ASNS: variants seen among roughly 807,000 people sequenced by gnomAD.
ASNS encodes the protein asparagine synthetase [glutamine-hydrolyzing].
A neutral mutation model predicts 62.6 loss-of-function variants in ASNS; 37 were observed. The observed-to-expected ratio is 0.59, with a 90% CI of 0.45 to 0.78. The LOEUF (loss-of-function observed/expected upper bound fraction) is 0.78, where lower values mean the gene tolerates loss of function less well. ASNS is among the 30% of genes least tolerant of loss of function. The pLI is 0.00. For missense variants in ASNS, 520 were observed against 682.4 expected (o/e 0.76, Z 2.65); for synonymous variants, 207 against 237.9 (o/e 0.87, Z 1.19).
At chr7:97,903,556 G>T in the ASNS span, among the ~76,000 whole-genome samples, 1 of 152,142 alleles carries the variant, frequency 6.6e-6, no homozygotes, top group Non-Finnish European at 1.5e-5. Context: ...GTACCTATTT[G>T]TTTAATTCAG....
chr7:97,908,316 A>C, the ASNS span: 1 of 152,242 alleles, frequency 6.6e-6, no homozygotes, highest in Non-Finnish European at 1.5e-5. Context: ...GCTCCAGAGG[A>C]AACAAATGGT....
chr7:97,900,981 G>A, the ASNS span, among the ~76,000 whole-genome samples: 50 of 152,314 alleles, frequency 3.3e-4, no homozygotes, highest in East Asian at 9.3e-3. Flanking sequence ...AAGGAAAAAT[G>A]CTAAGAATAC....
chr7:97,856,885 G>A (rs1584461430), intron 7 of ASNS, 69 bp from the exon 8 acceptor site: 3 of 1,443,000 alleles, frequency 2.1e-6, no homozygotes, highest in South Asian at 1.3e-5. Context: ...CAAACATGAT[G>A]GGAGTTCACA....
chr7:97,885,659 T>C, the ASNS span, among the ~76,000 whole-genome samples: 1 of 152,258 alleles, frequency 6.6e-6, no homozygotes, highest in Non-Finnish European at 1.5e-5. Flanking sequence ...GCCACATATT[T>C]ACTTTTGCAT....
chr7:97,892,351 C>A, the ASNS span, among the ~76,000 whole-genome samples: 1,513 of 152,330 alleles, frequency 9.9e-3, 20 homozygotes, highest in African/African-American at 0.033. Flanking sequence ...CCATGAAGAC[C>A]TGTGACATGC....
chr7:97,858,772 T>G, intron 6 of ASNS, 82 bp downstream of exon 6: 1 of 1,264,762 alleles, frequency 7.9e-7, no homozygotes, highest in South Asian at 1.4e-5. Flanking sequence ...AAATATTTTA[T>G]AGTAAAAACC....
the ASNS span, among the ~76,000 whole-genome samples, chr7:97,905,418 G>A: frequency 6.6e-6 from 1 of 152,156 alleles, no homozygotes; most frequent in Admixed American, 6.5e-5. Context: ...ACATGGATCT[G>A]GTAGTTCCAC....
At chr7:97,873,412 T>A (rs370511109), upstream of ASNS, among the ~76,000 whole-genome samples, 6 of 152,304 alleles carry the variant, frequency 3.9e-5, no homozygotes, top group African/African-American at 1.2e-4. Context: ...CATTCCTGAC[T>A]AAATCAAAAA....
At chr7:97,883,989 A>G in the ASNS span, among the ~76,000 whole-genome samples, 3 of 38,404 alleles carry the variant, frequency 7.8e-5, no homozygotes, top group South Asian at 2.3e-3. Context: ...CTCCATCTCA[A>G]AAAAAAAAAA....
the ASNS span, chr7:97,885,910 A>C: frequency 1.8e-6 from 1 of 559,630 alleles, no homozygotes; most frequent in Non-Finnish European, 3.4e-6. Context: ...CATGATGCCA[A>C]TGATGGGCTC....
chr7:97,854,890 G>A (rs1791360842), intron 9 of ASNS: 1 of 759,948 alleles, frequency 1.3e-6, no homozygotes, highest in Non-Finnish European at 2.0e-6. Flanking sequence ...GAACACAATG[G>A]GCAACAGTCA....
rs772206435 is a variant in ASNS, at chr7:97,859,291, C to G, written c.595G>C (p.Val199Leu). 1 of 1,614,112 alleles carries G rather than the reference C, an allele frequency of 6.2e-7. No homozygotes were observed. The highest frequency in any genetic ancestry group is 2.2e-5 in the East Asian group (1 of 44,872). ...CAGTGATGATATTTAACCATTTCCA[C>G]GGATGCAACTTTGCCATTTGGCTTT... is the stretch of plus-strand genomic sequence containing the variant. ...DLKPNGKVAS[V>L]EMVKYHHCRD... The change falls in exon 5 of 13, where the codon GTG (valine) becomes CTG (leucine). Residue 199 changes from valine (V) to leucine (L), a missense_variant. Val to Leu is a conservative substitution (Grantham distance 32). Coordinates refer to ENST00000394308, the MANE Select transcript of ASNS (RefSeq NM_001673.5).
the ASNS span, among the ~76,000 whole-genome samples, chr7:97,927,071 CTTTTTTTTTTTTTTT>C: frequency 2.5e-5 from 1 of 40,528 alleles, no homozygotes; most frequent in South Asian, 1.4e-3. Flanking sequence ...CCACACCTGG[CTTTTTTTTTTTTTTT>C]TTTTTTTTTT....
intron 3 of ASNS, among the ~76,000 whole-genome samples, chr7:97,866,136 T>C (rs922710312): frequency 7.2e-5 from 11 of 152,238 alleles, no homozygotes; most frequent in Admixed American, 7.2e-4. Flanking sequence ...CTTTTGCAAC[T>C]ATAAACTTTT....
At chr7:97,918,165 G>A in the ASNS span, among the ~76,000 whole-genome samples, 2 of 151,054 alleles carry the variant, frequency 1.3e-5, no homozygotes, top group Admixed American at 1.3e-4. Flanking sequence ...GGTGCAGACT[G>A]GTGTGAGTAA....
At chr7:97,907,243 T>G in the ASNS span, among the ~76,000 whole-genome samples, 2 of 152,244 alleles carry the variant, frequency 1.3e-5, no homozygotes, top group Non-Finnish European at 2.9e-5. Context: ...AGAATTGGTG[T>G]CTTCCTTCTC....
chr7:97,869,013 G>A lies in ASNS; in HGVS notation c.144C>T (p.His48=), dbSNP rs11554431. 707 of 1,614,170 alleles carry A rather than the reference G, an allele frequency of 4.4e-4. 6 individuals are homozygous for A. The African/African-American group carries it at 8.6e-3, about 20-fold the overall frequency. ...NGYTNCCFGF[H]RLAVVDPLFG... Reference sequence around the variant, plus strand: ...ACAGCGGGTCAACTACCGCCAACCGGTGAAATCCAAAGCAGCAGTTGGTGT... The same window carrying A: ...ACAGCGGGTCAACTACCGCCAACCGATGAAATCCAAAGCAGCAGTTGGTGT... Residue 48 remains histidine, a synonymous_variant, in exon 3 of 13, where the codon CAC becomes CAT. Transcript: ENST00000394308.
chr7:97,871,509 A>AG (rs1792257086), intron 1 of ASNS, among the ~76,000 whole-genome samples: 1 of 152,022 alleles, frequency 6.6e-6, no homozygotes, highest in Non-Finnish European at 1.5e-5. Context: ...AATTTAAAAA[A>AG]AAAAACTGCT....
chr7:97,864,522 A>G (rs1791874307), intron 3 of ASNS, 26 bp from the exon 4 acceptor site: 1 of 1,491,808 alleles, frequency 6.7e-7, no homozygotes, highest in Non-Finnish European at 9.4e-7. Context: ...CAAAACCAAA[A>G]TGTTAGACTC....
Sources: allele counts gnomAD v4.1 joint callset (sites outside exome capture counted in the v4.1 genomes callset), GRCh38; gene constraint gnomAD v4.1.1; transcripts MANE v1.5; gene names NCBI Gene and HGNC (gene_info 2026-07-23, HGNC 2026-07-21).